The following GPHN variants were observed in gnomAD, a reference collection of about 807,000 sequenced individuals.
GPHN encodes the protein gephyrin.
Under a neutral mutation model 95.5 loss-of-function variants are expected in GPHN, and 17 were observed. The observed-to-expected ratio is 0.18, with a 90% confidence interval of 0.12 to 0.27. The LOEUF is 0.27. GPHN is among the 10% of genes least tolerant of loss of function. GPHN has a pLI of 1.00. For missense variants in GPHN, 660 were observed against 978.1 expected (o/e 0.67, Z 4.34); for synonymous variants, 320 against 322.5 (o/e 0.99, Z 0.08).
the GPHN span, among the ~76,000 whole-genome samples, chr14:67,593,099 T>C: frequency 6.6e-6 from 1 of 152,232 alleles, no homozygotes; most frequent in African/African-American, 2.4e-5. Flanking sequence ...ATTCTATTTT[T>C]CTAAGGGAAG....
At chr14:67,447,386 C>T in the GPHN span, 1 of 152,060 alleles carries the variant, frequency 6.6e-6, no homozygotes, top group Non-Finnish European at 1.5e-5. Flanking sequence ...CAAACATTCA[C>T]ACTATAGCAG....
At chr14:66,773,374 G>T (rs1401658200) in intron 2 of GPHN, among the ~76,000 whole-genome samples, 3 of 122,014 alleles carry the variant, frequency 2.5e-5, no homozygotes, top group Non-Finnish European at 5.0e-5. Context: ...TTTTTTTTGA[G>T]ACGGAGCCTC....
At chr14:67,386,757 G>A in the GPHN span, among the ~76,000 whole-genome samples, 3 of 152,162 alleles carry the variant, frequency 2.0e-5, no homozygotes, top group Non-Finnish European at 4.4e-5. Context: ...CTCCGACAGA[G>A]TCCATGACTT....
chr14:67,329,754 C>T, the GPHN span, among the ~76,000 whole-genome samples: 3 of 152,058 alleles, frequency 2.0e-5, no homozygotes, highest in South Asian at 2.1e-4. Context: ...TGGTGGTGCA[C>T]GCCTGTGGTA....
intron 2 of GPHN, chr14:66,760,657 GA>G: frequency 2.4e-6 from 1 of 417,606 alleles, no homozygotes; most frequent in Admixed American, 3.2e-5. Context: ...ACGTTAAAAA[GA>G]AGCATAATCC....
intron 11 of GPHN, among the ~76,000 whole-genome samples, chr14:67,073,131 T>G (rs750865465): frequency 2.2e-4 from 33 of 152,116 alleles, no homozygotes; most frequent in Admixed American, 6.5e-4. Flanking sequence ...GGGAAAAAAC[T>G]TAACAGTTAT....
chr14:67,475,728 T>G, the GPHN span, among the ~76,000 whole-genome samples: 1 of 152,168 alleles, frequency 6.6e-6, no homozygotes, highest in Non-Finnish European at 1.5e-5. Context: ...TTCTGGCTCC[T>G]TTCCCCTCCC....
At chr14:67,225,962 T>TGTGTGTGTGTGTGTGTGCGC in the GPHN span, among the ~76,000 whole-genome samples, 3 of 113,490 alleles carry the variant, frequency 2.6e-5, no homozygotes, top group Non-Finnish European at 3.2e-5. Context: ...TGTGTGTGTG[T>TGTGTGTGTGTGTGTGTGCGC]GCGCGCGCGC....
At chr14:67,621,019 A>C in the GPHN span, 1 of 1,548,386 alleles carries the variant, frequency 6.5e-7, no homozygotes, top group Non-Finnish European at 8.9e-7. Flanking sequence ...AGACCACTTC[A>C]GAGTCTTTTC....
Position 67,017,504 on chromosome 14 carries a change from AGAGACTGATTAC to A in GPHN, c.964-6128_964-6117del, listed in dbSNP as rs2073380066. The stretch of plus-strand genomic sequence containing the variant: ...GGTACTCAAAGAAGTTCATTCTTTC[AGAGACTGATTAC>A]TCTTAAATAAGTTTAATAAGGTAGA... On this transcript the variant is annotated intron_variant, in intron 9 of 22. Coordinates refer to ENST00000478722, the MANE Select transcript of GPHN (RefSeq NM_020806.5). Among the ~76,000 whole-genome samples, 10 of 152,204 alleles carry A rather than the reference AGAGACTGATTAC, an allele frequency of 6.6e-5. No individual in the cohort carries two copies. In the East Asian group the frequency reaches 1.7e-3, roughly 26 times the overall value.
At chr14:66,682,004 C>T (rs759393121) in intron 2 of GPHN, among the ~76,000 whole-genome samples, 6 of 152,098 alleles carry the variant, frequency 3.9e-5, no homozygotes, top group Non-Finnish European at 7.4e-5. Context: ...TACCCTCCCA[C>T]GGGAGTCACT....
intron 1 of GPHN, among the ~76,000 whole-genome samples, chr14:66,663,419 C>A (rs2065769890): frequency 6.6e-6 from 1 of 152,134 alleles, no homozygotes; most frequent in Non-Finnish European, 1.5e-5. Flanking sequence ...TCCAGACAAG[C>A]AAATGTTGAG....
the GPHN span, among the ~76,000 whole-genome samples, chr14:67,631,429 T>C: frequency 1.4e-5 from 2 of 142,734 alleles, no homozygotes; most frequent in African/African-American, 5.4e-5. Context: ...ATCCTTTCTT[T>C]CTTTCTTTTT....
chr14:66,806,013 C>G (rs531673836), intron 3 of GPHN, among the ~76,000 whole-genome samples: 1 of 152,318 alleles, frequency 6.6e-6, no homozygotes, highest in East Asian at 1.9e-4. Flanking sequence ...TGCATGAGGT[C>G]CCCACCCCTA....
chr14:66,570,198 T>C (rs1288297548), intron 1 of GPHN, among the ~76,000 whole-genome samples: 3 of 152,076 alleles, frequency 2.0e-5, no homozygotes, highest in African/African-American at 7.2e-5. Flanking sequence ...CACCCATTGA[T>C]GGACAATTAG....
chr14:67,156,834 G>A (rs977147722), intron 18 of GPHN, among the ~76,000 whole-genome samples: 6 of 152,032 alleles, frequency 3.9e-5, no homozygotes, highest in Non-Finnish European at 8.8e-5. Context: ...GCTGGGTGTG[G>A]TGGCATGTGC....
chr14:66,583,265 A>T (rs2061273755), intron 1 of GPHN, among the ~76,000 whole-genome samples: 1 of 151,978 alleles, frequency 6.6e-6, no homozygotes, highest in Non-Finnish European at 1.5e-5. Context: ...GTTTGAGTTC[A>T]TTGAAGATTC....
intron 3 of GPHN, among the ~76,000 whole-genome samples, chr14:66,787,973 A>G (rs1366764118): frequency 6.6e-6 from 1 of 152,166 alleles, no homozygotes; most frequent in Non-Finnish European, 1.5e-5. Flanking sequence ...GGTTCATACA[A>G]TGTAAATTTC....
the GPHN span, among the ~76,000 whole-genome samples, chr14:67,452,858 C>G: frequency 6.6e-6 from 1 of 152,204 alleles, no homozygotes; most frequent in Non-Finnish European, 1.5e-5. Context: ...CCCAAGATCA[C>G]ATAGACAGGA....
Sources: allele counts gnomAD v4.1 joint callset (sites outside exome capture counted in the v4.1 genomes callset), GRCh38; gene constraint gnomAD v4.1.1; transcripts MANE v1.5; gene names NCBI Gene and HGNC (gene_info 2026-07-23, HGNC 2026-07-21).